Variants in KCNQ3 observed in about 807,000 individuals in gnomAD.
KCNQ3 encodes potassium voltage-gated channel subfamily Q member 3.
In KCNQ3, 30 loss-of-function variants were observed where a neutral mutation model predicts 92.5. The ratio of observed to expected loss-of-function variants is 0.32; its 90% confidence interval spans 0.24 to 0.44. KCNQ3 has a LOEUF of 0.44. Among genes scored for constraint, KCNQ3 ranks in the 20% least tolerant of loss-of-function variants. The probability of loss-of-function intolerance (pLI) is 1.00; values close to 1 mark genes in which losing one functional copy is unlikely to be tolerated. For synonymous variants in KCNQ3, 450 were observed against 468.8 expected, an observed-to-expected ratio of 0.96 and a Z score of 0.52; for missense variants, 913 against 1,140.3, an observed-to-expected ratio of 0.80 and a Z score of 2.87.
chr8:132,259,682 G>A (rs192610196), intron 1 of KCNQ3, among the ~76,000 whole-genome samples: 7 of 151,964 alleles, frequency 4.6e-5, no homozygotes, highest in African/African-American at 1.7e-4. Context: ...TAAATAAAAG[G>A]CATCTGAACT....
At chr8:132,479,118 G>A (rs1228266585) in intron 1 of KCNQ3, among the ~76,000 whole-genome samples, 1 of 152,126 alleles carries the variant, frequency 6.6e-6, no homozygotes, top group African/African-American at 2.4e-5. Flanking sequence ...TGCCAGCTCC[G>A]AGATGGGTGC....
At chr8:132,422,557 C>G (rs1215873513) in intron 1 of KCNQ3, among the ~76,000 whole-genome samples, 1 of 152,204 alleles carries the variant, frequency 6.6e-6, no homozygotes, top group Non-Finnish European at 1.5e-5. Flanking sequence ...AACACGCAAG[C>G]TTTCCTACCT....
At chr8:132,174,548 C>G (rs1485463126) in intron 5 of KCNQ3, among the ~76,000 whole-genome samples, 199 bp from the exon 6 acceptor site, 2 of 152,194 alleles carry the variant, frequency 1.3e-5, no homozygotes, top group Non-Finnish European at 2.9e-5. Context: ...TTAAGGGTTT[C>G]CTACCTTAGT....
chr8:132,229,516 G>A (rs902220536), intron 1 of KCNQ3, among the ~76,000 whole-genome samples: 7 of 151,980 alleles, frequency 4.6e-5, no homozygotes, highest in African/African-American at 9.7e-5. Flanking sequence ...GAGCAGGTTC[G>A]GAAGAAAGTT....
At chr8:132,443,018 C>A (rs1821578250) in intron 1 of KCNQ3, among the ~76,000 whole-genome samples, 1 of 152,218 alleles carries the variant, frequency 6.6e-6, no homozygotes, top group Non-Finnish European at 1.5e-5. Context: ...AAATCCTCAT[C>A]TGCGGCCGGT....
In KCNQ3 at chr8:132,339,132, G is replaced by A. The variant is rs192866459; in HGVS notation, c.386+141015C>T. Among the ~76,000 whole-genome samples, 17 of 152,162 alleles carry A rather than the reference G, an allele frequency of 1.1e-4. 1 individual carries two copies. Among genetic ancestry groups the A allele is most frequent in the African/African-American group, 1.4e-4 (6 of 41,432 alleles). ...CTACCATTAATCAGGCAGCTGTGTG[G>A]CCTCAGGTCAATCTATTCCCCTCTC... On this transcript the variant is annotated intron_variant, in intron 1 of 14. Transcript: ENST00000388996.
intron 1 of KCNQ3, among the ~76,000 whole-genome samples, chr8:132,431,082 A>C (rs1821237993): frequency 6.6e-6 from 1 of 152,212 alleles, no homozygotes; most frequent in South Asian, 2.1e-4. Context: ...TGATTGCACT[A>C]GGCTCCAGAA....
intron 1 of KCNQ3, among the ~76,000 whole-genome samples, chr8:132,207,126 T>C (rs779759947): frequency 1.3e-5 from 2 of 152,180 alleles, no homozygotes; most frequent in Non-Finnish European, 2.9e-5. Context: ...AGAAATACCA[T>C]TGTGCATACA....
intron 1 of KCNQ3, among the ~76,000 whole-genome samples, chr8:132,214,206 T>G (rs562552474): frequency 1.3e-5 from 2 of 152,248 alleles, no homozygotes; most frequent in Admixed American, 1.3e-4. Flanking sequence ...ACTGAATAAT[T>G]TCCATAGGTC....
intron 1 of KCNQ3, among the ~76,000 whole-genome samples, chr8:132,440,009 G>T (rs1248955285): frequency 1.3e-5 from 2 of 152,126 alleles, no homozygotes; most frequent in Non-Finnish European, 2.9e-5. Flanking sequence ...TGTACTATTT[G>T]CATAGAACCT....
chr8:132,330,946 C>T (rs539312654), intron 1 of KCNQ3, among the ~76,000 whole-genome samples: 1 of 152,308 alleles, frequency 6.6e-6, no homozygotes, highest in East Asian at 1.9e-4. Context: ...ATGATCAGCA[C>T]ATCATAGTGA....
At chr8:132,265,480 T>C (rs1326580120) in intron 1 of KCNQ3, among the ~76,000 whole-genome samples, 1 of 152,220 alleles carries the variant, frequency 6.6e-6, no homozygotes, top group Non-Finnish European at 1.5e-5. Flanking sequence ...CCACTGCTTC[T>C]ACAAGGTTTG....
intron 6 of KCNQ3, among the ~76,000 whole-genome samples, chr8:132,173,911 C>A (rs1428054766): frequency 2.0e-5 from 3 of 152,184 alleles, no homozygotes; most frequent in African/African-American, 7.2e-5. Flanking sequence ...AATTCACAGT[C>A]CTCTGGGGAA....
rs1035964667 is a variant in KCNQ3, at chr8:132,127,773, T to TAAC, written c.*1486_*1488dup. 28 of 152,244 alleles carry TAAC rather than the reference T, an allele frequency of 1.8e-4. No individual in the cohort carries two copies. Among genetic ancestry groups the TAAC allele is most frequent in the African/African-American group, 6.8e-4 (28 of 41,472 alleles). 9.4% of individuals were successfully genotyped at this position (152,244 alleles called of 1,614,324 possible). On this transcript the variant is annotated 3_prime_UTR_variant, in exon 15 of 15. Transcript: ENST00000388996. ...TTTTCCATCAAAGTTTTTCAGAGAA[T>TAAC]AACAACATCTCATAAGAGGCCAGAG...
At position 132,420,685 on chromosome 8, in the gene KCNQ3, A is replaced by G. The variant is rs796718787; in HGVS notation, c.386+59462T>C. 5.9e-5 allele frequency among the ~76,000 whole-genome samples: 9 copies of G among 152,362 alleles called. 1 individual carries two copies. The highest frequency in any genetic ancestry group is 2.2e-4 in the African/African-American group (9 of 41,592). On this transcript the variant is annotated intron_variant, in intron 1 of 14. Coordinates refer to ENST00000388996, the MANE Select transcript of KCNQ3 (RefSeq NM_004519.4). ...ATTTAACTGCTTTATGCTTCAGTGA[A>G]TAACTAATTTGTACCAAACCCCAGT... is the stretch of plus-strand genomic sequence containing the variant.
At chr8:132,237,229 A>G (rs904996001) in intron 1 of KCNQ3, among the ~76,000 whole-genome samples, 1 of 152,206 alleles carries the variant, frequency 6.6e-6, no homozygotes, top group Non-Finnish European at 1.5e-5. Flanking sequence ...CTGATGACAC[A>G]TGGAGACTGG....
At chr8:132,254,684 G>T (rs1386668439) in intron 1 of KCNQ3, among the ~76,000 whole-genome samples, 3 of 152,120 alleles carry the variant, frequency 2.0e-5, no homozygotes, top group African/African-American at 7.2e-5. Context: ...TTTGAGACCA[G>T]CCTGGCCAAC....
intron 1 of KCNQ3, among the ~76,000 whole-genome samples, chr8:132,336,540 C>T (rs948439349): frequency 6.6e-6 from 1 of 152,178 alleles, no homozygotes; most frequent in African/African-American, 2.4e-5. Flanking sequence ...TGTTATAAGG[C>T]CCATAAGATG....
chr8:132,137,851 G>T (rs1825155529), intron 12 of KCNQ3, 34 bp downstream of exon 12: 4 of 1,612,318 alleles, frequency 2.5e-6, no homozygotes, highest in Admixed American at 3.3e-5. Context: ...GGGCTTTGAG[G>T]GGAGCGCAGT....
Sources: gnomAD v4.1 joint callset for allele counts (sites outside exome capture counted in the v4.1 genomes callset) on GRCh38, gnomAD v4.1.1 for gene constraint, MANE v1.5 for transcripts, NCBI Gene and HGNC (gene_info 2026-07-23, HGNC 2026-07-21) for gene names.